The following CDH4 variants were observed in gnomAD, a reference collection of about 807,000 sequenced individuals.
CDH4 encodes the protein cadherin 4.
Under a neutral mutation model 86.0 loss-of-function variants are expected in CDH4, and 33 were observed. That is an observed-to-expected ratio of 0.38 (90% CI 0.29 to 0.51). The LOEUF (loss-of-function observed/expected upper bound fraction) is 0.51. CDH4 is among the 20% of genes least tolerant of loss of function. CDH4 has a pLI of 0.86. For synonymous variants in CDH4, 555 were observed against 549.4 expected (o/e 1.01, Z -0.14); for missense variants, 1,114 against 1,307.4 (o/e 0.85, Z 2.28).
intron 2 of CDH4, among the ~76,000 whole-genome samples, chr20:61,425,716 C>T (rs1462028586): frequency 6.6e-6 from 1 of 152,152 alleles, no homozygotes; most frequent in Non-Finnish European, 1.5e-5. Context: ...GCAGGACATT[C>T]TCAAAGGCCC....
At chr20:61,642,144 A>G (rs2087017388) in intron 2 of CDH4, among the ~76,000 whole-genome samples, 1 of 152,266 alleles carries the variant, frequency 6.6e-6, no homozygotes, top group Non-Finnish European at 1.5e-5. Flanking sequence ...TTTTAAAATC[A>G]GAAAGAAAAA....
At chr20:61,572,683 C>T (rs914182932) in intron 2 of CDH4, among the ~76,000 whole-genome samples, 1 of 152,224 alleles carries the variant, frequency 6.6e-6, no homozygotes, top group African/African-American at 2.4e-5. Context: ...ATATTTCCAC[C>T]ATCTGGATCA....
rs2086064028 is a variant in CDH4 at position 61,544,617 on chromosome 20, A to C, written c.170-198946A>C. Among the ~76,000 whole-genome samples, 1 of 152,002 alleles carries C rather than the reference A, an allele frequency of 6.6e-6. No homozygotes were observed. Among genetic ancestry groups the C allele is most frequent in the South Asian group, 2.1e-4 (1 of 4,820 alleles). On this transcript the variant is annotated intron_variant, in intron 2 of 15. Coordinates refer to ENST00000614565, the MANE Select transcript of CDH4 (RefSeq NM_001794.5). The surrounding 1 kb of genome is among the most constrained non-coding windows in gnomAD (Gnocchi z 6.5). ...GTGTGATGGGATGTGCCGGGGGCAG[A>C]CAGGGCCCACCAGACCCCACGCTGC...
chr20:61,538,554 G>T (rs889341197), intron 2 of CDH4, among the ~76,000 whole-genome samples: 3 of 152,116 alleles, frequency 2.0e-5, no homozygotes, highest in African/African-American at 4.8e-5. Context: ...TTTAACATCC[G>T]CCTGTCCCTG....
chr20:61,303,727 G>T (rs1228957082), intron 2 of CDH4, among the ~76,000 whole-genome samples: 3 of 152,190 alleles, frequency 2.0e-5, no homozygotes, highest in Non-Finnish European at 4.4e-5. Flanking sequence ...GGAGGTAGGA[G>T]CTGGGCTGAG....
At chr20:61,313,762 G>A (rs1053192863) in intron 2 of CDH4, among the ~76,000 whole-genome samples, 1 of 152,126 alleles carries the variant, frequency 6.6e-6, no homozygotes, top group Admixed American at 6.5e-5. Flanking sequence ...TTTAAGACAT[G>A]GTCTCGCTCT....
At chr20:61,447,624 C>CTTT (rs11204461) in intron 2 of CDH4, among the ~76,000 whole-genome samples, 1 of 102,034 alleles carries the variant, frequency 9.8e-6, no homozygotes, top group Non-Finnish European at 1.9e-5. Flanking sequence ...ATTCTACTTC[C>CTTT]TTTTTTTTTT....
At chr20:61,557,455 A>G (rs1035030595) in intron 2 of CDH4, among the ~76,000 whole-genome samples, 3 of 152,248 alleles carry the variant, frequency 2.0e-5, no homozygotes, top group African/African-American at 4.8e-5. Flanking sequence ...GCAAAAGCCA[A>G]TTCCATTCCA....
At chr20:61,680,755 C>A (rs187741793) in intron 2 of CDH4, among the ~76,000 whole-genome samples, 2 of 152,146 alleles carry the variant, frequency 1.3e-5, no homozygotes, top group African/African-American at 4.8e-5. Context: ...TAGAGAATTC[C>A]GTCTCCCCGG....
chr20:61,608,568 CT>C (rs2086661941), intron 2 of CDH4, among the ~76,000 whole-genome samples: 1 of 152,234 alleles, frequency 6.6e-6, no homozygotes, highest in Non-Finnish European at 1.5e-5. Flanking sequence ...CTACTTGATC[CT>C]CTCAATTTTG....
chr20:61,753,446 C>G lies in CDH4; in HGVS notation c.396+9657C>G, dbSNP rs112800371. 3.7e-3 allele frequency among the ~76,000 whole-genome samples: 571 copies of G among 152,320 alleles called. 1 individual carries two copies. Among genetic ancestry groups the G allele is most frequent in the African/African-American group, 0.013 (536 of 41,574 alleles). On this transcript the variant is annotated intron_variant, in intron 3 of 15. Transcript: ENST00000614565. ...AAAAGCAGCCTTTCTGTGGGCAATG[C>G]AGGCAGTGCTGGAATCTGGAAGAAC...
intron 4 of CDH4, among the ~76,000 whole-genome samples, chr20:61,820,816 G>C (rs553251972): frequency 3.3e-5 from 5 of 152,118 alleles, no homozygotes; most frequent in African/African-American, 1.2e-4. Flanking sequence ...ACCTTCCCAG[G>C]ATCAGCTCAA....
intron 4 of CDH4, among the ~76,000 whole-genome samples, chr20:61,837,215 G>C (rs1032589458): frequency 6.6e-6 from 1 of 152,154 alleles, no homozygotes; most frequent in African/African-American, 2.4e-5. Flanking sequence ...GTTTCACTTA[G>C]CACTTGCATC....
At chr20:61,498,839 C>T (rs1299680854) in intron 2 of CDH4, among the ~76,000 whole-genome samples, 2 of 152,282 alleles carry the variant, frequency 1.3e-5, no homozygotes, top group African/African-American at 2.4e-5. Flanking sequence ...CGTCCTGGGC[C>T]GCAAGTGCTC....
intron 2 of CDH4, among the ~76,000 whole-genome samples, chr20:61,440,628 T>C (rs1042258862): frequency 2.0e-5 from 3 of 152,240 alleles, no homozygotes; most frequent in Admixed American, 1.3e-4. Flanking sequence ...TGGATTCCTG[T>C]TGAAGCCTTT....
At chr20:61,312,794 C>T (rs1470886962) in intron 2 of CDH4, among the ~76,000 whole-genome samples, 1 of 152,128 alleles carries the variant, frequency 6.6e-6, no homozygotes, top group South Asian at 2.1e-4. Context: ...AGCTCTGCCC[C>T]CTAGAGCTTG....
At chr20:61,727,951 G>A (rs926265245) in intron 2 of CDH4, among the ~76,000 whole-genome samples, 9 of 152,230 alleles carry the variant, frequency 5.9e-5, no homozygotes, top group African/African-American at 2.2e-4. Flanking sequence ...TTAGGGCTAA[G>A]GAGAGGCCTT....
chr20:61,566,857 C>T (rs1240732024), intron 2 of CDH4, among the ~76,000 whole-genome samples: 1 of 151,930 alleles, frequency 6.6e-6, no homozygotes, highest in Non-Finnish European at 1.5e-5. Flanking sequence ...TCTGGGTTTG[C>T]GCGGGAGGCT....
chr20:61,563,869 C>T (rs2086241298), intron 2 of CDH4, among the ~76,000 whole-genome samples: 1 of 152,204 alleles, frequency 6.6e-6, no homozygotes. Flanking sequence ...GGTTCTGCAC[C>T]TGTTGTATTA....
Sources: allele counts gnomAD v4.1 joint callset (sites outside exome capture counted in the v4.1 genomes callset), GRCh38; gene constraint gnomAD v4.1.1; non-coding constraint Gnocchi (gnomAD v3.1); transcripts MANE v1.5; gene names NCBI Gene and HGNC (gene_info 2026-07-23, HGNC 2026-07-21).